The following MTMR7 variants were observed in gnomAD, a reference collection of about 807,000 sequenced individuals.
The protein encoded by MTMR7 is phosphatidylinositol-3-phosphate phosphatase MTMR7.
MTMR7 carries 76 observed loss-of-function variants against 81.2 expected under a neutral mutation model. That is an observed-to-expected ratio of 0.94 (90% CI 0.78 to 1.13). The LOEUF is 1.13. MTMR7 is among the 50% of genes most tolerant of loss of function. The pLI is 0.00. For missense variants in MTMR7, 1,044 were observed against 820.0 expected (o/e 1.27, Z -3.34); for synonymous variants, 372 against 289.8 (o/e 1.28, Z -2.88).
intron 7 of MTMR7, among the ~76,000 whole-genome samples, chr8:17,315,338 G>C (rs1818008476): frequency 6.6e-6 from 1 of 152,138 alleles, no homozygotes; most frequent in Non-Finnish European, 1.5e-5. Flanking sequence ...AGGGGTTAGG[G>C]TTGTGAGGGA....
At chr8:17,408,571 G>A (rs902842938) in intron 1 of MTMR7, among the ~76,000 whole-genome samples, 1 of 152,106 alleles carries the variant, frequency 6.6e-6, no homozygotes, top group Non-Finnish European at 1.5e-5. Flanking sequence ...AAGATCCTGA[G>A]AGATGGGGGC....
chr8:17,312,845 A>G (rs940270472), intron 8 of MTMR7, among the ~76,000 whole-genome samples: 1 of 152,194 alleles, frequency 6.6e-6, no homozygotes, highest in Non-Finnish European at 1.5e-5. Context: ...ATTGCATTCT[A>G]AAACAGCTTA....
In MTMR7 at chr8:17,331,552, C is replaced by T. The variant is rs1283138791; in HGVS notation, c.733-270G>A. ...CTGATAAACCCTTCTGGAGATGTCA[C>T]TTGCAGTCCCCGTCAGAGATGCCAA... is the stretch of plus-strand genomic sequence containing the variant. On this transcript the variant is annotated intron_variant, in intron 6 of 13. Coordinates refer to ENST00000180173, the MANE Select transcript of MTMR7 (RefSeq NM_004686.5). 5.3e-5 allele frequency among the ~76,000 whole-genome samples: 8 copies of T among 152,334 alleles called. No homozygotes were observed. The East Asian group carries it at 1.3e-3, about 26-fold the overall frequency.
At chr8:17,314,214 C>T (rs1036898805) in intron 7 of MTMR7, among the ~76,000 whole-genome samples, 2 of 152,064 alleles carry the variant, frequency 1.3e-5, no homozygotes, top group Non-Finnish European at 2.9e-5. Context: ...GAGGTTTAGA[C>T]CTATAAAGCC....
chr8:17,316,229 T>A (rs984934991), intron 7 of MTMR7, among the ~76,000 whole-genome samples: 3 of 152,082 alleles, frequency 2.0e-5, no homozygotes, highest in Non-Finnish European at 2.9e-5. Context: ...ATTATTTATG[T>A]TAGCCCTTAT....
rs4921749 is a variant in MTMR7 at position 17,313,136 on chromosome 8, T to C, written c.975+156A>G. Among the ~76,000 whole-genome samples the C allele has an allele frequency of 5.0e-3, 758 of 152,266 alleles. 8 individuals carry two copies. The highest frequency in any genetic ancestry group is 0.017 in the African/African-American group (686 of 41,570). ...AGCATTGTATTCTTTCGCAAAATCA[T>C]ATCTTCAGCGCACAGACTACGGAGC... On this transcript the variant is annotated intron_variant, in intron 8 of 13. Coordinates refer to ENST00000180173, the MANE Select transcript of MTMR7 (RefSeq NM_004686.5).
chr8:17,302,104 C>G lies in MTMR7; in HGVS notation c.1620+50G>C, dbSNP rs369790048. 4.0e-5 allele frequency: 65 copies of G among 1,612,122 alleles called. No individual in the cohort carries two copies. The African/African-American group carries it at 8.7e-4, about 22-fold the overall frequency. ...TAAGAGGCTTTCATGAAGCCTTGCT[C>G]TTCAAGAAATAAGCACAGAAAATAG... On this transcript the variant is annotated intron_variant, in intron 13 of 13. Transcript: ENST00000180173.
At chr8:17,410,612 T>C (rs909748632) in intron 1 of MTMR7, among the ~76,000 whole-genome samples, 4 of 152,162 alleles carry the variant, frequency 2.6e-5, no homozygotes, top group African/African-American at 9.7e-5. Flanking sequence ...GAGGAACCAT[T>C]CTGGAAGGGA....
intron 3 of MTMR7, among the ~76,000 whole-genome samples, chr8:17,364,273 T>C (rs1820154093): frequency 2.6e-5 from 4 of 152,098 alleles, no homozygotes; most frequent in Admixed American, 2.6e-4. Context: ...GACCTTGTGA[T>C]CTGCCCGCCT....
chr8:17,401,005 G>A (rs1255378722), intron 1 of MTMR7, among the ~76,000 whole-genome samples: 1 of 152,080 alleles, frequency 6.6e-6, no homozygotes, highest in Non-Finnish European at 1.5e-5. Flanking sequence ...GTCTGTTATA[G>A]AACCTAATAA....
chr8:17,392,179 G>A (rs1821127838), intron 1 of MTMR7, among the ~76,000 whole-genome samples: 1 of 152,104 alleles, frequency 6.6e-6, no homozygotes, highest in Admixed American at 6.5e-5. Flanking sequence ...ATAAAAATAA[G>A]CTTTAAATAA....
At chr8:17,349,274 C>A in intron 4 of MTMR7, 193 bp from the exon 5 acceptor site, 1 of 567,592 alleles carries the variant, frequency 1.8e-6, no homozygotes, top group Non-Finnish European at 3.1e-6. Flanking sequence ...TGTAATCATT[C>A]TGAAGGAACG....
intron 10 of MTMR7, among the ~76,000 whole-genome samples, chr8:17,308,291 A>G (rs1817595275): frequency 1.3e-5 from 2 of 152,258 alleles, no homozygotes; most frequent in South Asian, 4.1e-4. Context: ...TGGAGATCCT[A>G]ACTGCCTAGC....
chr8:17,372,416 C>A (rs1230326991), intron 2 of MTMR7, among the ~76,000 whole-genome samples: 1 of 151,940 alleles, frequency 6.6e-6, no homozygotes, highest in African/African-American at 2.4e-5. Flanking sequence ...TGAAACCCTG[C>A]CTCTACTAAA....
At chr8:17,390,329 A>G (rs1821070210) in intron 1 of MTMR7, among the ~76,000 whole-genome samples, 1 of 151,642 alleles carries the variant, frequency 6.6e-6, no homozygotes, top group African/African-American at 2.4e-5. Context: ...GAGGTGCCAC[A>G]CTCTTTTAGA....
chr8:17,404,553 C>A (rs1392789209), intron 1 of MTMR7, among the ~76,000 whole-genome samples: 1 of 119,578 alleles, frequency 8.4e-6, no homozygotes, highest in East Asian at 2.4e-4. Flanking sequence ...TCAATCTCAA[C>A]AGTAAACAAA....
At chr8:17,400,648 C>T (rs10087359) in intron 1 of MTMR7, among the ~76,000 whole-genome samples, 2 of 152,148 alleles carry the variant, frequency 1.3e-5, no homozygotes, top group African/African-American at 2.4e-5. Context: ...TGATTTAGAC[C>T]GGTTTAAAGA....
chr8:17,331,404 G>T (rs149298638), intron 6 of MTMR7, 122 bp from the exon 7 acceptor site: 1 of 1,033,526 alleles, frequency 9.7e-7, no homozygotes, highest in East Asian at 2.7e-5. Flanking sequence ...AACATAATAC[G>T]CTTATTTGAA....
Position 17,375,483 on chromosome 8 carries a change from T to TTGTTTTG in MTMR7, c.25-2244_25-2243insCAAAACA, listed in dbSNP as rs532139551. Among the ~76,000 whole-genome samples the TTGTTTTG allele has an allele frequency of 0.026, 3,971 of 150,274 alleles. 453 individuals carry two copies. The East Asian group carries it at 0.32, about 12-fold the overall frequency. ...TGCCCTTCACCTACTAGCTTATGTT[T>TTGTTTTG]TTTTTTTTTTTTTACAAGAATTCTT... On this transcript the variant is annotated intron_variant, in intron 1 of 13. Coordinates refer to ENST00000180173, the MANE Select transcript of MTMR7 (RefSeq NM_004686.5).
Sources: gnomAD v4.1 joint callset for allele counts (sites outside exome capture counted in the v4.1 genomes callset) on GRCh38, gnomAD v4.1.1 for gene constraint, MANE v1.5 for transcripts, NCBI Gene and HGNC (gene_info 2026-07-23, HGNC 2026-07-21) for gene names.